CUX1: variants seen among roughly 807,000 people sequenced by gnomAD.
CUX1 encodes the protein protein CASP.
CUX1 carries 31 observed loss-of-function variants against 158.8 expected under a neutral mutation model. The ratio of observed to expected loss-of-function variants is 0.20; its 90% confidence interval spans 0.15 to 0.26. The LOEUF (loss-of-function observed/expected upper bound fraction) is 0.26, where lower values mean the gene tolerates loss of function less well. Among genes scored for constraint, CUX1 ranks in the 10% least tolerant of loss-of-function variants. The probability of loss-of-function intolerance (pLI) is 1.00; values close to 1 mark genes in which losing one functional copy is unlikely to be tolerated. For synonymous variants in CUX1, 879 were observed against 862.1 expected (o/e 1.02, Z -0.34); for missense variants, 1,589 against 2,014.6 (o/e 0.79, Z 4.04).
chr7:101,956,468 T>TAA (rs376460959), intron 2 of CUX1, among the ~76,000 whole-genome samples: 1 of 148,686 alleles, frequency 6.7e-6, no homozygotes, highest in African/African-American at 2.5e-5. Flanking sequence ...CAGGTCAGTT[T>TAA]AAAAAAAAAA....
At chr7:102,229,404 C>T (rs1037132425) in intron 21 of CUX1, among the ~76,000 whole-genome samples, 4 of 150,856 alleles carry the variant, frequency 2.7e-5, no homozygotes, top group Admixed American at 1.3e-4. Flanking sequence ...CACTGAATGC[C>T]GGGTTCACGC....
intron 2 of CUX1, among the ~76,000 whole-genome samples, chr7:101,939,114 T>TGA (rs1807380437): frequency 9.8e-6 from 1 of 101,836 alleles, no homozygotes; most frequent in Non-Finnish European, 1.9e-5. Flanking sequence ...TATATATATA[T>TGA]GATGGTTCCA....
At position 102,279,357 on chromosome 7, in the gene CUX1, A is replaced by C. The variant is rs188348830; in HGVS notation, c.1681-680A>C. On this transcript the variant is annotated intron_variant, in intron 18 of 22. Transcript: ENST00000292538. ...CTCTGTCTCAAATAAATAAATAAGC[A>C]ATAATAAAAAATGTAAACAGAATTT... Among the ~76,000 whole-genome samples, 1,432 of 152,248 alleles carry C rather than the reference A, an allele frequency of 9.4e-3. 10 individuals are homozygous for C. Among genetic ancestry groups the C allele is most frequent in the South Asian group, 0.041 (198 of 4,824 alleles).
intron 5 of CUX1, among the ~76,000 whole-genome samples, chr7:102,102,276 A>G (rs1156785549): frequency 1.3e-5 from 2 of 151,660 alleles, no homozygotes; most frequent in Non-Finnish European, 2.9e-5. Context: ...TTCACACAAA[A>G]ATTAGCCAGG....
At chr7:101,882,840 C>G (rs1799853816) in intron 1 of CUX1, among the ~76,000 whole-genome samples, 1 of 152,194 alleles carries the variant, frequency 6.6e-6, no homozygotes, top group Admixed American at 6.5e-5. Flanking sequence ...GCCTGGACTT[C>G]CCCACTGGCC....
chr7:101,918,303 C>T (rs1228001599), intron 2 of CUX1, among the ~76,000 whole-genome samples: 1 of 152,248 alleles, frequency 6.6e-6, no homozygotes, highest in Non-Finnish European at 1.5e-5. Context: ...ATTAGTTACT[C>T]AAAGACACCT....
chr7:101,906,118 G>A (rs1763898398), intron 1 of CUX1, among the ~76,000 whole-genome samples: 1 of 152,010 alleles, frequency 6.6e-6, no homozygotes, highest in African/African-American at 2.4e-5. Flanking sequence ...GAGCCACTGT[G>A]GCCAGCTATT....
chr7:102,113,374 T>C (rs112306472), intron 7 of CUX1, among the ~76,000 whole-genome samples: 6 of 152,274 alleles, frequency 3.9e-5, no homozygotes, highest in Admixed American at 2.0e-4. Flanking sequence ...GTGATTTTCC[T>C]GCCTCAGCCT....
chr7:101,901,168 C>A (rs897776860), intron 1 of CUX1, among the ~76,000 whole-genome samples: 1 of 152,104 alleles, frequency 6.6e-6, no homozygotes, highest in African/African-American at 2.4e-5. Context: ...GCCCCTACTG[C>A]TTCCTAGGGC....
intron 2 of CUX1, among the ~76,000 whole-genome samples, chr7:101,973,051 G>A (rs1812170502): frequency 6.6e-6 from 1 of 152,192 alleles, no homozygotes; most frequent in Non-Finnish European, 1.5e-5. Context: ...TTTTCAGGCA[G>A]CCGAAATCCC....
Position 102,252,983 on chromosome 7 carries a change from G to A in CUX1, c.*3941G>A, listed in dbSNP as rs1165879158. Reference sequence around the variant, plus strand: ...GAACTCTCTGAGAAATGCCAGGATCGTGGCTCACAGGGACCCACCATCAAA... The same window carrying A: ...GAACTCTCTGAGAAATGCCAGGATCATGGCTCACAGGGACCCACCATCAAA... On this transcript the variant is annotated 3_prime_UTR_variant, in exon 24 of 24. Coordinates refer to ENST00000292535, the MANE Select transcript of CUX1 (RefSeq NM_181552.4). 1.5e-5 allele frequency: 15 copies of A among 985,324 alleles called. No individual in the cohort carries two copies. The highest frequency in any genetic ancestry group is 4.7e-5 in the South Asian group (1 of 21,284). The allele number at this position is 985,324 out of a possible 1,614,324, so 61.0% of individuals were successfully genotyped here.
chr7:102,110,732 A>G (rs1554489834), intron 6 of CUX1, among the ~76,000 whole-genome samples: 1 of 152,198 alleles, frequency 6.6e-6, no homozygotes, highest in African/African-American at 2.4e-5. Flanking sequence ...TATGTTACAT[A>G]TTCATATTTT....
At chr7:102,184,854 C>T (rs1793472482) in intron 11 of CUX1, among the ~76,000 whole-genome samples, 1 of 152,008 alleles carries the variant, frequency 6.6e-6, no homozygotes, top group Non-Finnish European at 1.5e-5. Context: ...CTATGTTGCC[C>T]CTGCTGGTCT....
chr7:102,243,987 A>G (rs1472772377), intron 23 of CUX1, among the ~76,000 whole-genome samples: 1 of 152,058 alleles, frequency 6.6e-6, no homozygotes, highest in African/African-American at 2.4e-5. Context: ...AGATCACGCC[A>G]TTGCACTCCA....
intron 1 of CUX1, among the ~76,000 whole-genome samples, chr7:101,856,591 A>G (rs561820360): frequency 2.0e-5 from 3 of 152,264 alleles, no homozygotes; most frequent in Non-Finnish European, 2.9e-5. Context: ...CTGCAGGCCC[A>G]GAGGGGAAGG....
At chr7:101,984,090 ATATAT>A (rs1410523854) in intron 2 of CUX1, among the ~76,000 whole-genome samples, 428 of 34,950 alleles carry the variant, frequency 0.012, 44 homozygotes, top group African/African-American at 0.039. Context: ...AAAAAAAAAA[ATATAT>A]ATATATATAT....
chr7:101,958,252 T>C (rs961598991), intron 2 of CUX1, among the ~76,000 whole-genome samples: 1 of 151,998 alleles, frequency 6.6e-6, no homozygotes, highest in Admixed American at 6.6e-5. Flanking sequence ...TGACATCTGG[T>C]GTGTGCTGTG....
At chr7:102,163,022 G>A (rs1790621520) in intron 9 of CUX1, among the ~76,000 whole-genome samples, 1 of 152,212 alleles carries the variant, frequency 6.6e-6, no homozygotes, top group South Asian at 2.1e-4. Context: ...TGACCCTGAA[G>A]TCTAGGATTT....
intron 3 of CUX1, among the ~76,000 whole-genome samples, chr7:102,063,700 C>G (rs1314715177): frequency 6.6e-6 from 1 of 152,074 alleles, no homozygotes; most frequent in African/African-American, 2.4e-5. Context: ...GTCAAGAACC[C>G]TTTACATATT....
Sources: allele counts gnomAD v4.1 joint callset (sites outside exome capture counted in the v4.1 genomes callset), GRCh38; gene constraint gnomAD v4.1.1; transcripts MANE v1.5; gene names NCBI Gene and HGNC (gene_info 2026-07-23, HGNC 2026-07-21).